The following ELMO1 variants were observed in gnomAD, a reference collection of about 807,000 sequenced individuals.
The protein encoded by ELMO1 is engulfment and cell motility 1.
In ELMO1, 26 loss-of-function variants were observed where a neutral mutation model predicts 98.9. The observed-to-expected ratio is 0.26, with a 90% CI of 0.19 to 0.36. ELMO1 has a LOEUF of 0.36. Among genes scored for constraint, ELMO1 ranks in the 10% least tolerant of loss-of-function variants. ELMO1 has a pLI of 1.00. For synonymous variants in ELMO1, 346 were observed against 346.0 expected, an observed-to-expected ratio of 1.00 and a Z score of 0.00; for missense variants, 627 against 935.2, an observed-to-expected ratio of 0.67 and a Z score of 4.30.
At chr7:37,439,182 G>T (rs1805292247) in intron 1 of ELMO1, among the ~76,000 whole-genome samples, 1 of 152,122 alleles carries the variant, frequency 6.6e-6, no homozygotes. Context: ...TATCCTCCAG[G>T]TTGCTCTCAC....
chr7:37,141,550 A>T (rs1431747734), intron 13 of ELMO1, among the ~76,000 whole-genome samples: 1 of 152,212 alleles, frequency 6.6e-6, no homozygotes, highest in African/African-American at 2.4e-5. Flanking sequence ...AAGAAAATTT[A>T]AAAATTCAGA....
chr7:36,859,676 C>T (rs1431766981), intron 21 of ELMO1, among the ~76,000 whole-genome samples: 1 of 152,190 alleles, frequency 6.6e-6, no homozygotes, highest in Non-Finnish European at 1.5e-5. Context: ...TCATTTCCCT[C>T]TTTTAAATGG....
At chr7:36,985,229 T>C in intron 16 of ELMO1, 1 of 558,050 alleles carries the variant, frequency 1.8e-6, no homozygotes. Flanking sequence ...AAACCCTCTC[T>C]GGTTTTTCAG....
chr7:37,078,869 A>T (rs1373832348), intron 15 of ELMO1, among the ~76,000 whole-genome samples: 1 of 152,198 alleles, frequency 6.6e-6, no homozygotes. Flanking sequence ...ATTAAATAAT[A>T]GAATATTTAA....
intron 13 of ELMO1, among the ~76,000 whole-genome samples, chr7:37,207,618 C>T (rs1010229036): frequency 3.3e-5 from 5 of 152,044 alleles, no homozygotes. Context: ...AAAGGCCTGT[C>T]CATTTTGAAA....
intron 13 of ELMO1, among the ~76,000 whole-genome samples, chr7:37,183,393 T>A (rs976552111): frequency 1.3e-5 from 2 of 152,216 alleles, no homozygotes; most frequent in African/African-American, 2.4e-5. Flanking sequence ...CTAAAGTATT[T>A]ACAATAAGGA....
At chr7:36,989,833 G>C (rs956747422) in intron 16 of ELMO1, among the ~76,000 whole-genome samples, 6 of 152,090 alleles carry the variant, frequency 3.9e-5, no homozygotes, top group Non-Finnish European at 2.9e-5. Context: ...TCAGCAATAA[G>C]GTAGGAAGAC....
chr7:37,207,730 G>A (rs553091251), intron 13 of ELMO1, among the ~76,000 whole-genome samples: 2 of 150,728 alleles, frequency 1.3e-5, no homozygotes, highest in Non-Finnish European at 3.0e-5. Flanking sequence ...ATCACCTGAG[G>A]TCAGGAGTTT....
At chr7:37,149,091 C>T (rs576205061) in intron 13 of ELMO1, among the ~76,000 whole-genome samples, 2 of 152,258 alleles carry the variant, frequency 1.3e-5, no homozygotes, top group South Asian at 4.1e-4. Context: ...ACCTCTCTGC[C>T]ATGGTGAAGT....
intron 1 of ELMO1, among the ~76,000 whole-genome samples, chr7:37,372,304 C>A (rs963429326): frequency 6.6e-6 from 1 of 151,992 alleles, no homozygotes; most frequent in Non-Finnish European, 1.5e-5. Flanking sequence ...GGGCTAGAAC[C>A]CTGGATCTAG....
rs539837753 is a variant in ELMO1, at chr7:37,204,797, A to C, written c.1086+6589T>G. 1.4e-3 allele frequency among the ~76,000 whole-genome samples: 217 copies of C among 151,670 alleles called. 1 individual carries two copies. Among genetic ancestry groups the C allele is most frequent in the South Asian group, 8.6e-3 (41 of 4,770 alleles). ...GTGCATTTACAATCCTTTAGCTAGAAAGAAAAGTTCTCCAAGTCCCCCACC... is the reference window on the plus strand; with the variant it reads ...GTGCATTTACAATCCTTTAGCTAGACAGAAAAGTTCTCCAAGTCCCCCACC... On this transcript the variant is annotated intron_variant, in intron 13 of 21. Transcript: ENST00000310758.
chr7:37,282,562 A>C (rs1797194553), intron 4 of ELMO1, among the ~76,000 whole-genome samples: 1 of 152,238 alleles, frequency 6.6e-6, no homozygotes, highest in Non-Finnish European at 1.5e-5. Flanking sequence ...AGGACTACGG[A>C]TCGACCGTTA....
chr7:37,012,014 CA>C (rs376866805), intron 16 of ELMO1, among the ~76,000 whole-genome samples: 309 of 152,326 alleles, frequency 2.0e-3, no homozygotes, highest in African/African-American at 6.4e-3. Context: ...TGCTCAGACA[CA>C]TGACAGCTCT....
At chr7:37,391,202 C>T (rs969074802) in intron 1 of ELMO1, among the ~76,000 whole-genome samples, 5 of 152,108 alleles carry the variant, frequency 3.3e-5, no homozygotes, top group African/African-American at 1.2e-4. Context: ...CTGCAACCTC[C>T]ACCTCCCGGG....
intron 1 of ELMO1, among the ~76,000 whole-genome samples, chr7:37,438,757 T>C (rs1805269165): frequency 6.6e-6 from 1 of 152,240 alleles, no homozygotes; most frequent in African/African-American, 2.4e-5. Context: ...ACTTGAAAGA[T>C]GTGAAAACTG....
At chr7:37,041,285 GTGATCA>G (rs1187707892) in intron 15 of ELMO1, among the ~76,000 whole-genome samples, 1 of 152,158 alleles carries the variant, frequency 6.6e-6, no homozygotes, top group Non-Finnish European at 1.5e-5. Flanking sequence ...AAAGATTAAT[GTGATCA>G]TTTGTCATTT....
intron 1 of ELMO1, among the ~76,000 whole-genome samples, chr7:37,440,393 G>A (rs1329793115): frequency 2.0e-5 from 3 of 150,598 alleles, no homozygotes; most frequent in Non-Finnish European, 2.9e-5. Flanking sequence ...AGTGAGCCAC[G>A]ATCGTGCCAC....
chr7:36,886,819 T>G (rs1805049246), intron 18 of ELMO1, among the ~76,000 whole-genome samples: 1 of 152,252 alleles, frequency 6.6e-6, no homozygotes, highest in Admixed American at 6.5e-5. Flanking sequence ...ATTTTGAGGT[T>G]AGAATTTATA....
At chr7:37,429,442 T>C (rs907098233) in intron 1 of ELMO1, 2 of 152,232 alleles carry the variant, frequency 1.3e-5, no homozygotes, top group Non-Finnish European at 2.9e-5. Context: ...GTTTGCAACA[T>C]CTCTTAAATC....
Sources: allele counts gnomAD v4.1 joint callset (sites outside exome capture counted in the v4.1 genomes callset), GRCh38; gene constraint gnomAD v4.1.1; transcripts MANE v1.5; gene names NCBI Gene and HGNC (gene_info 2026-07-23, HGNC 2026-07-21).